Variants in SLC71A1 observed in about 807,000 individuals in gnomAD.
The protein encoded by SLC71A1 is solute carrier family 71 member 1, also known as hippocampus abundant gene transcript 1.
the SLC71A1 span, among the ~76,000 whole-genome samples, chr1:100,073,020 G>A: frequency 2.6e-5 from 4 of 152,100 alleles, no homozygotes; most frequent in South Asian, 2.1e-4. Flanking sequence ...TCCCTTGCCC[G>A]CCACCCCTAT....
the SLC71A1 span, among the ~76,000 whole-genome samples, chr1:100,076,325 T>C: frequency 6.6e-6 from 1 of 152,346 alleles, no homozygotes; most frequent in Admixed American, 6.5e-5. Flanking sequence ...AGCTATCTTA[T>C]GTAGTATATT....
At chr1:100,080,496 G>T in the SLC71A1 span, 2 of 1,612,418 alleles carry the variant, frequency 1.2e-6, no homozygotes, top group Non-Finnish European at 1.7e-6. Flanking sequence ...AACAATGTAG[G>T]TGTCGTTCAA....
At chr1:100,061,503 T>C in the SLC71A1 span, among the ~76,000 whole-genome samples, 1 of 152,164 alleles carries the variant, frequency 6.6e-6, no homozygotes, top group African/African-American at 2.4e-5. Context: ...CAGTAATGGA[T>C]GGATTATAAT....
At chr1:100,056,556 G>A in the SLC71A1 span, among the ~76,000 whole-genome samples, 6 of 152,108 alleles carry the variant, frequency 3.9e-5, no homozygotes, top group Non-Finnish European at 7.3e-5. Flanking sequence ...GTTGCAGTGA[G>A]CCAAGATTGC....
chr1:100,059,734 TA>T, the SLC71A1 span: 1 of 619,496 alleles, frequency 1.6e-6, no homozygotes, highest in South Asian at 3.0e-5. Flanking sequence ...TATATATAGA[TA>T]AGCAATTGTT....
the SLC71A1 span, among the ~76,000 whole-genome samples, chr1:100,051,631 G>T: frequency 6.6e-6 from 1 of 152,076 alleles, no homozygotes; most frequent in Non-Finnish European, 1.5e-5. Context: ...TTTGTCAAGG[G>T]TTACTGAAGT....
the SLC71A1 span, chr1:100,058,018 A>G: frequency 6.6e-6 from 1 of 152,110 alleles, no homozygotes; most frequent in South Asian, 2.1e-4. Context: ...GCTGCTGTTT[A>G]TTTTTCCAGT....
the SLC71A1 span, among the ~76,000 whole-genome samples, chr1:100,051,392 A>T: frequency 6.6e-6 from 1 of 152,106 alleles, no homozygotes; most frequent in Non-Finnish European, 1.5e-5. Context: ...TCTGTCTCAA[A>T]AATAAAAAGT....
At chr1:100,068,210 T>C in the SLC71A1 span, 1 of 1,599,850 alleles carries the variant, frequency 6.3e-7, no homozygotes, top group Non-Finnish European at 8.6e-7. Context: ...GTTTATACTT[T>C]TTCCTTCTCC....
chr1:100,079,044 C>CGA, the SLC71A1 span: 1 of 152,222 alleles, frequency 6.6e-6, no homozygotes, highest in Non-Finnish European at 1.5e-5. Flanking sequence ...CCAACCTGGG[C>CGA]GACACAGTGA....
chr1:100,053,037 GC>G, the SLC71A1 span, among the ~76,000 whole-genome samples: 1 of 152,178 alleles, frequency 6.6e-6, no homozygotes, highest in East Asian at 1.9e-4. Flanking sequence ...GCCTGCCTCG[GC>G]CTCCCAGAGT....
the SLC71A1 span, among the ~76,000 whole-genome samples, chr1:100,074,733 A>G: frequency 0.29 from 43,589 of 149,920 alleles, 9,588 homozygotes; most frequent in African/African-American, 0.63. Flanking sequence ...AAAAATTAGC[A>G]GGCATGGTGG....
chr1:100,048,074 A>G, the SLC71A1 span, among the ~76,000 whole-genome samples: 2 of 152,154 alleles, frequency 1.3e-5, no homozygotes, highest in African/African-American at 2.4e-5. Flanking sequence ...TTTTAAAAAA[A>G]TTAGCATGCT....
At chr1:100,062,651 A>G in the SLC71A1 span, among the ~76,000 whole-genome samples, 1 of 152,194 alleles carries the variant, frequency 6.6e-6, no homozygotes, top group Non-Finnish European at 1.5e-5. Context: ...CTTGTGATAA[A>G]TAAGGACTGA....
the SLC71A1 span, chr1:100,083,040 T>C: frequency 1.3e-5 from 2 of 152,566 alleles, no homozygotes; most frequent in South Asian, 2.1e-4. Flanking sequence ...GATAAATATA[T>C]ATAGTGGCCT....
At chr1:100,057,065 A>AT in the SLC71A1 span, among the ~76,000 whole-genome samples, 2 of 152,190 alleles carry the variant, frequency 1.3e-5, no homozygotes, top group Admixed American at 1.3e-4. Flanking sequence ...CATTTTTGTT[A>AT]TTAATCCCTT....
the SLC71A1 span, among the ~76,000 whole-genome samples, chr1:100,054,757 G>T: frequency 6.6e-6 from 1 of 152,128 alleles, no homozygotes; most frequent in Non-Finnish European, 1.5e-5. Context: ...TTGGAAAAGT[G>T]TTACATTTTC....
At chr1:100,056,323 C>T in the SLC71A1 span, among the ~76,000 whole-genome samples, 1 of 152,194 alleles carries the variant, frequency 6.6e-6, no homozygotes, top group African/African-American at 2.4e-5. Context: ...CCAGTTCCAT[C>T]CATGTTGTTG....
At chr1:100,059,746 T>A in the SLC71A1 span, 1 of 688,622 alleles carries the variant, frequency 1.5e-6, no homozygotes, top group African/African-American at 1.8e-5. Flanking sequence ...AGCAATTGTT[T>A]ATTTAAAAGT....
Sources: gnomAD v4.1 joint callset for allele counts (sites outside exome capture counted in the v4.1 genomes callset) on GRCh38, gnomAD v4.1.1 for gene constraint, MANE v1.5 for transcripts, NCBI Gene and HGNC (gene_info 2026-07-23, HGNC 2026-07-21) for gene names.